Variants in CLUH observed in about 807,000 individuals in gnomAD.
CLUH encodes clustered mitochondria protein homolog.
CLUH carries 77 observed loss-of-function variants against 139.3 expected under a neutral mutation model. The observed-to-expected ratio is 0.55, with a 90% CI of 0.46 to 0.67. The LOEUF (loss-of-function observed/expected upper bound fraction) is 0.67. CLUH is among the 30% of genes least tolerant of loss of function. CLUH has a pLI of 0.00. For synonymous variants in CLUH, 999 were observed against 801.6 expected (o/e 1.25, Z -4.16); for missense variants, 1,876 against 1,875.8 (o/e 1.00, Z 0.00).
In CLUH at chr17:2,693,897, T is replaced by C. The variant is rs1287850261; in HGVS notation, c.3231+3A>G. 5 of 1,608,290 alleles carry C rather than the reference T, an allele frequency of 3.1e-6. No individual in the cohort carries two copies. The highest frequency in any genetic ancestry group is 4.2e-6 in the Non-Finnish European group (5 of 1,177,504). On this transcript the variant is annotated splice_donor_region_variant and intron_variant, in intron 19 of 25. Coordinates refer to ENST00000651024, the MANE Select transcript of CLUH (RefSeq NM_001366661.1). ...GCCTTTGCTGCCACAGCCCAGAGGG[T>C]ACCTCTGCGTAGTCGCCCATGATGT...
intron 10 of CLUH, among the ~76,000 whole-genome samples, 194 bp downstream of exon 10, chr17:2,697,702 T>A (rs1039877087): frequency 6.6e-6 from 1 of 152,200 alleles, no homozygotes; most frequent in Admixed American, 6.5e-5. Flanking sequence ...CTCGCGAGTC[T>A]GCAGCCCGGG....
rs755534790 is a variant in CLUH at position 2,701,454 on chromosome 17, G to GC, written c.810dup (p.His271AlafsTer115). 4 of 1,613,710 alleles carry GC rather than the reference G, an allele frequency of 2.5e-6. No homozygotes were observed. Among genetic ancestry groups the GC allele is most frequent in the Non-Finnish European group, 2.5e-6 (3 of 1,179,814 alleles). On this transcript the variant is annotated frameshift_variant, in exon 6 of 26. Transcript: ENST00000651024. LOFTEE classifies it high-confidence loss of function. ...ACAAACAGGTACATGAGGTCCCCGTGCATCTTCCGGTTCCCCGGGGGCGGG... is the reference window on the plus strand; with the variant it reads ...ACAAACAGGTACATGAGGTCCCCGTGCCATCTTCCGGTTCCCCGGGGGCGGG...
At position 2,704,073 on chromosome 17, in the gene CLUH, G is replaced by T. The variant is rs2070275164; in HGVS notation, c.303+289C>A. On this transcript the variant is annotated intron_variant, in intron 2 of 25. Coordinates refer to ENST00000651024, the MANE Select transcript of CLUH (RefSeq NM_001366661.1). The surrounding 1 kb of genome is among the most constrained non-coding windows in gnomAD (Gnocchi z 5.7). ...ACTTGCCTGAGGGCACAGAGCAAGA[G>T]GCTGGGGAGTCCTGGGATGCCAACA... Among the ~76,000 whole-genome samples the T allele has an allele frequency of 6.6e-6, 1 of 152,174 alleles. No individual in the cohort carries two copies. The highest frequency in any genetic ancestry group is 2.4e-5 in the African/African-American group (1 of 41,442).
rs886695032 is a variant in CLUH, at chr17:2,691,680, G to T, written c.3792C>A (p.Phe1264Leu). ...GSSANIPPLK[F>L]TAPSMASVLE... The stretch of plus-strand genomic sequence containing the variant: ...AGACGCTGGCCATGCTGGGGGCCGT[G>T]AACTGCGGGGCGGGGAAACCAGCGG... Residue 1264 changes from phenylalanine to leucine, a missense_variant and splice_region_variant, in exon 25 of 26, where the codon TTC becomes TTA. Phe to Leu is a conservative substitution (Grantham distance 22). Coordinates refer to ENST00000651024, the MANE Select transcript of CLUH (RefSeq NM_001366661.1). 1 of 1,612,062 alleles carries T rather than the reference G, an allele frequency of 6.2e-7. No individual in the cohort carries two copies. The highest frequency in any genetic ancestry group is 8.5e-7 in the Non-Finnish European group (1 of 1,179,162).
intron 1 of CLUH, chr17:2,710,915 A>G (rs916789596): frequency 6.6e-6 from 1 of 152,504 alleles, no homozygotes; most frequent in Non-Finnish European, 1.5e-5. Flanking sequence ...GCCCCATGCA[A>G]AGGCAGACGC....
Position 2,697,910 on chromosome 17 carries a change from G to A in CLUH, c.1947C>T (p.Ala649=), listed in dbSNP as rs1412278846. Residue 649 remains alanine, a synonymous_variant, in exon 10 of 26, where the codon GCC becomes GCT. Transcript: ENST00000651024. ...CCGCCCCTCACCTGTGCTCCACGAA[G>A]GCGTCCACCAGCTCCTGGCGCAGGC... ...LCCLRQELVD[A]FVEHRYLLFM... is the part of the protein sequence containing the mutation. 2.6e-6 allele frequency: 4 copies of A among 1,514,250 alleles called. No individual in the cohort carries two copies. Among genetic ancestry groups the A allele is most frequent in the South Asian group, 1.3e-5 (1 of 79,416 alleles). The allele number at this position is 1,514,250 out of a possible 1,614,324, so 93.8% of individuals were successfully genotyped here.
At chr17:2,693,192 T>C (rs146632383) in intron 19 of CLUH, among the ~76,000 whole-genome samples, 1 of 143,024 alleles carries the variant, frequency 7.0e-6, no homozygotes, top group Non-Finnish European at 1.5e-5. Flanking sequence ...GGTCAGGAGT[T>C]TGAGACCATC....
rs557156241 is a variant in CLUH, at chr17:2,704,230, AG to A, written c.303+131del. 4.9e-4 allele frequency: 469 copies of A among 948,060 alleles called. 4 individuals are homozygous for A. The African/African-American group carries it at 6.9e-3, about 14-fold the overall frequency. 58.7% of individuals were successfully genotyped at this position (948,060 alleles called of 1,614,324 possible). On this transcript the variant is annotated intron_variant, in intron 2 of 25. Coordinates refer to ENST00000651024, the MANE Select transcript of CLUH (RefSeq NM_001366661.1). The surrounding 1 kb of genome is among the most constrained non-coding windows in gnomAD (Gnocchi z 5.7). ...TCCACCACGCTAGCTGAGTGACTCT[AG>A]GGAGGGCACGGGATCCTCAGTTTCC...
upstream of CLUH, chr17:2,711,829 C>G (rs535104441): frequency 6.2e-4 from 103 of 166,100 alleles, no homozygotes; most frequent in Non-Finnish European, 1.0e-3. Flanking sequence ...CCCTCGCGCC[C>G]GGCCCAGCCC....
At position 2,698,086 on chromosome 17, in the gene CLUH, C is replaced by T; in HGVS notation, c.1771G>A (p.Gly591Ser). ...VELCSSVECK[G>S]IIGNDGRHYI... ...TGGCGCCCGTCGTTGCCAATGATGC[C>T]CTTGCACTCGACCGAGGAGCAGAGC... is the stretch of plus-strand genomic sequence containing the variant. The change falls in exon 10 of 26, where the codon GGC becomes AGC. Residue 591 changes from glycine to serine, a missense_variant. This residue lies in a region of CLUH where 1,454 missense variants were observed against 1,384.4 expected (regional missense o/e 1.05). Coordinates refer to ENST00000651024, the MANE Select transcript of CLUH (RefSeq NM_001366661.1). 6.2e-7 allele frequency: 1 copy of T among 1,605,854 alleles called. No individual in the cohort carries two copies. Among genetic ancestry groups the T allele is most frequent in the Non-Finnish European group, 8.5e-7 (1 of 1,177,984 alleles).
chr17:2,698,221 C>G lies in CLUH; in HGVS notation c.1636G>C (p.Gly546Arg), dbSNP rs541969235. The change falls in exon 10 of 26, where the codon GGC (glycine) becomes CGC (arginine). Residue 546 changes from glycine (G) to arginine (R), a missense_variant. By Grantham distance (125) the Gly-to-Arg change is moderately radical. This residue lies in a region of CLUH where 1,454 missense variants were observed against 1,384.4 expected (regional missense o/e 1.05). Transcript: ENST00000651024. ...QSVIYGSIDFGKTVVSHPRYL... is the reference protein window; with the variant it reads ...QSVIYGSIDFRKTVVSHPRYL... ...CGCGGGTGTGACACCACGGTCTTGC[C>G]GAAGTCGATGGAGCCGTAGATGACG... The G allele has an allele frequency of 1.3e-6, 2 of 1,587,202 alleles. No individual in the cohort carries two copies. Among genetic ancestry groups the G allele is most frequent in the East Asian group, 4.6e-5 (2 of 43,138 alleles).
chr17:2,694,671 C>A (rs929319823), intron 16 of CLUH, 107 bp from the exon 17 acceptor site: 14 of 1,335,564 alleles, frequency 1.0e-5, no homozygotes, highest in African/African-American at 1.5e-5. Flanking sequence ...CAACACTGCC[C>A]CACCCGGCCC....
At chr17:2,696,378 C>T in intron 12 of CLUH, 56 bp downstream of exon 12, 2 of 1,520,104 alleles carry the variant, frequency 1.3e-6, no homozygotes, top group Non-Finnish European at 8.9e-7. Flanking sequence ...GCCCAGGCCC[C>T]CCAGCGAAGC....
rs1055477593 is a variant in CLUH, at chr17:2,707,480, G to A, written c.101-2916C>T. 3 of 985,284 alleles carry A rather than the reference G, an allele frequency of 3.0e-6. No homozygotes were observed. Among genetic ancestry groups the A allele is most frequent in the Admixed American group, 6.1e-5 (1 of 16,268 alleles). 61.0% of individuals were successfully genotyped at this position (985,284 alleles called of 1,614,324 possible). A position where few individuals can be genotyped will look rare whatever the true frequency, so the allele number is the denominator to read the frequency against. ...AGAACCCGGTGGCCCCAGGACCCCA[G>A]GGGGAGCTGCTATCAGCACTCAGGC... On this transcript the variant is annotated intron_variant, in intron 1 of 25. Coordinates refer to ENST00000651024, the MANE Select transcript of CLUH (RefSeq NM_001366661.1). The surrounding 1 kb of genome is among the most constrained non-coding windows in gnomAD (Gnocchi z 7.4).
chr17:2,704,524 C>A lies in CLUH; in HGVS notation c.141G>T (p.Glu47Asp). The A allele has an allele frequency of 6.3e-7, 1 of 1,580,622 alleles. No homozygotes were observed. The change falls in exon 2 of 26, where the codon GAG becomes GAT. Residue 47 changes from glutamate (E) to aspartate (D), a missense_variant. Transcript: ENST00000651024. The surrounding 1 kb of genome is among the most constrained non-coding windows in gnomAD (Gnocchi z 5.7). ...SVMLLNGDCP[E>D]SLKKEAAAAE... ...CCGCCGCCGCCTCCTTCTTCAGGCT[C>A]TCTGGGCAGTCCCCGTTTAAGAGCA...
At chr17:2,694,822 T>TTCCCCCCCC in intron 16 of CLUH, 35 bp downstream of exon 16, 7 of 1,346,336 alleles carry the variant, frequency 5.2e-6, no homozygotes, top group Non-Finnish European at 6.0e-6. Flanking sequence ...ATCTGCCCAA[T>TTCCCCCCCC]CCCACCCACC....
intron 1 of CLUH, among the ~76,000 whole-genome samples, chr17:2,708,454 C>G (rs1265651860): frequency 1.3e-5 from 2 of 152,064 alleles, no homozygotes; most frequent in Non-Finnish European, 2.9e-5. Flanking sequence ...CACGCTAGGC[C>G]CAGCCCACGG....
rs2070176830 is a variant in CLUH, at chr17:2,701,446, G to A, written c.819C>T (p.Asp273=). ...CTGTGATCACAAACAGGTACATGAGGTCCCCGTGCATCTTCCGGTTCCCCG... is the reference window on the plus strand; with the variant it reads ...CTGTGATCACAAACAGGTACATGAGATCCCCGTGCATCTTCCGGTTCCCCG... ...PPPGNRKMHG[D]LMYLFVITAE... Residue 273 remains aspartate (D), a synonymous_variant, in exon 6 of 26, where the codon GAC becomes GAT. Transcript: ENST00000651024. 6.2e-7 allele frequency: 1 copy of A among 1,613,422 alleles called. No individual in the cohort carries two copies. Among genetic ancestry groups the A allele is most frequent in the East Asian group, 2.2e-5 (1 of 44,878 alleles).
rs2069580215 is a variant in CLUH at position 2,690,537 on chromosome 17, C to A, written c.*57G>T. On this transcript the variant is annotated 3_prime_UTR_variant, in exon 26 of 26. Coordinates refer to ENST00000651024, the MANE Select transcript of CLUH (RefSeq NM_001366661.1). Reference sequence around the variant, plus strand: ...CGCCCGCAGGCTCGCCCCCTTCTCCCGCAGTCGGGCTCCCTGGTGACGGGG... The same window carrying A: ...CGCCCGCAGGCTCGCCCCCTTCTCCAGCAGTCGGGCTCCCTGGTGACGGGG... 2.2e-6 allele frequency: 3 copies of A among 1,370,236 alleles called. No individual in the cohort carries two copies. The highest frequency in any genetic ancestry group is 3.3e-5 in the Admixed American group (1 of 29,920). 84.9% of individuals were successfully genotyped at this position (1,370,236 alleles called of 1,614,324 possible). A position where few individuals can be genotyped will look rare whatever the true frequency, so the allele number is the denominator to read the frequency against.
Sources: gnomAD v4.1 joint callset for allele counts (sites outside exome capture counted in the v4.1 genomes callset) on GRCh38, gnomAD v4.1.1 for gene constraint, gnomAD v4.1.1 regional missense constraint, Gnocchi (gnomAD v3.1) non-coding constraint, MANE v1.5 for transcripts, NCBI Gene and HGNC (gene_info 2026-07-23, HGNC 2026-07-21) for gene names.